FAF1: variants seen among roughly 807,000 people sequenced by gnomAD.
FAF1 encodes FAS-associated factor 1.
A neutral mutation model predicts 92.5 loss-of-function variants in FAF1; 25 were observed. The observed-to-expected ratio is 0.27, with a 90% CI of 0.20 to 0.38. The LOEUF is 0.38. Ranked by LOEUF, FAF1 falls within the 10% of genes least tolerant of loss-of-function variation. The pLI, the probability that FAF1 is intolerant of heterozygous loss-of-function variation, is 1.00. For synonymous variants in FAF1, 234 were observed against 273.2 expected (o/e 0.86, Z 1.42); for missense variants, 636 against 793.3 (o/e 0.80, Z 2.38).
chr1:50,506,918 T>A (rs959716197), intron 15 of FAF1, among the ~76,000 whole-genome samples: 2 of 152,226 alleles, frequency 1.3e-5, no homozygotes, highest in Non-Finnish European at 2.9e-5. Flanking sequence ...CTTTACCTTC[T>A]TCTTCCTGCC....
intron 1 of FAF1, among the ~76,000 whole-genome samples, chr1:50,863,877 C>A (rs969976838): frequency 6.6e-6 from 1 of 152,104 alleles, no homozygotes; most frequent in Non-Finnish European, 1.5e-5. Context: ...GCCACAATTT[C>A]AGAGCCTGTT....
chr1:50,945,956 C>T (rs1000508040), intron 1 of FAF1, among the ~76,000 whole-genome samples: 2 of 152,222 alleles, frequency 1.3e-5, no homozygotes, highest in African/African-American at 4.8e-5. Context: ...TTCAGCTTGA[C>T]TAAACCATCA....
chr1:50,619,276 T>C (rs767654089), intron 8 of FAF1, among the ~76,000 whole-genome samples: 65 of 152,222 alleles, frequency 4.3e-4, no homozygotes, highest in Non-Finnish European at 8.1e-4. Flanking sequence ...ATCCTGTCAT[T>C]GTGGTGTTAG....
chr1:50,655,664 CAA>C, intron 7 of FAF1, 136 bp from the exon 8 acceptor site: 1 of 558,582 alleles, frequency 1.8e-6, no homozygotes. Flanking sequence ...TATAAAAACC[CAA>C]GTCAAAAAAT....
intron 18 of FAF1, among the ~76,000 whole-genome samples, chr1:50,447,272 C>T (rs1268346337): frequency 2.0e-5 from 3 of 151,878 alleles, no homozygotes; most frequent in Non-Finnish European, 1.5e-5. Flanking sequence ...ACTACAGGTG[C>T]CCGCCACCAC....
At chr1:50,497,575 G>A (rs1203713646) in intron 15 of FAF1, among the ~76,000 whole-genome samples, 1 of 119,872 alleles carries the variant, frequency 8.3e-6, no homozygotes, top group African/African-American at 3.2e-5. Context: ...TTGTGACGGA[G>A]TCTCACTCTG....
intron 7 of FAF1, among the ~76,000 whole-genome samples, chr1:50,680,420 C>T (rs558357493): frequency 2.0e-5 from 3 of 152,086 alleles, no homozygotes; most frequent in South Asian, 2.1e-4. Context: ...CAGTGGTTCA[C>T]GCCTGTAATC....
intron 18 of FAF1, among the ~76,000 whole-genome samples, chr1:50,450,077 C>G (rs1469265706): frequency 1.3e-5 from 2 of 151,490 alleles, no homozygotes; most frequent in Non-Finnish European, 2.9e-5. Flanking sequence ...CACTGTAATC[C>G]CAGCTACTCA....
Position 50,460,740 on chromosome 1 carries a change from C to T in FAF1, c.1869+14724G>A, listed in dbSNP as rs138271723. On this transcript the variant is annotated intron_variant, in intron 18 of 18. Coordinates refer to ENST00000396153, the MANE Select transcript of FAF1 (RefSeq NM_007051.3). Reference sequence around the variant, plus strand: ...CCTCAACCTCCCAGACTGAAGTGATCCTCCCACCTCACTCTCAAGTATCTG... The same window carrying T: ...CCTCAACCTCCCAGACTGAAGTGATTCTCCCACCTCACTCTCAAGTATCTG... 6.7e-3 allele frequency among the ~76,000 whole-genome samples: 1,009 copies of T among 150,182 alleles called. 15 individuals are homozygous for T. The highest frequency in any genetic ancestry group is 0.023 in the African/African-American group (942 of 40,740).
chr1:50,848,246 A>G (rs910225667), intron 2 of FAF1, among the ~76,000 whole-genome samples: 1 of 152,268 alleles, frequency 6.6e-6, no homozygotes, highest in Admixed American at 6.5e-5. Context: ...AAGTAAAAAC[A>G]GTAGCAAAAT....
chr1:50,710,705 C>T (rs770005478), intron 6 of FAF1, among the ~76,000 whole-genome samples: 28 of 151,154 alleles, frequency 1.9e-4, no homozygotes, highest in Non-Finnish European at 3.8e-4. Context: ...CGGGTTCAAG[C>T]GATTCTCCTG....
chr1:50,872,169 T>C (rs1456010940), intron 1 of FAF1, among the ~76,000 whole-genome samples: 4 of 152,156 alleles, frequency 2.6e-5, no homozygotes, highest in Non-Finnish European at 2.9e-5. Flanking sequence ...CACTGAAAAC[T>C]TTCTGGAAAG....
intron 7 of FAF1, among the ~76,000 whole-genome samples, chr1:50,659,102 A>T (rs1655257219): frequency 6.6e-6 from 1 of 152,218 alleles, no homozygotes; most frequent in Admixed American, 6.5e-5. Context: ...ATTCTGAAAA[A>T]AGTTAGTATT....
At chr1:50,795,829 G>C (rs558372425) in intron 3 of FAF1, among the ~76,000 whole-genome samples, 2 of 152,188 alleles carry the variant, frequency 1.3e-5, no homozygotes, top group East Asian at 3.9e-4. Context: ...TCATGGCACT[G>C]AATTACCACC....
intron 8 of FAF1, among the ~76,000 whole-genome samples, chr1:50,653,175 CA>C (rs145320522): frequency 0.032 from 4,728 of 146,030 alleles, 239 homozygotes; most frequent in African/African-American, 0.11. Flanking sequence ...AGAAAAACAA[CA>C]AAAAAAAAAC....
intron 1 of FAF1, among the ~76,000 whole-genome samples, chr1:50,954,840 G>A (rs1211511612): frequency 6.6e-6 from 1 of 152,118 alleles, no homozygotes; most frequent in South Asian, 2.1e-4. Context: ...ACCATGCCTG[G>A]CTTAAACATT....
intron 17 of FAF1, among the ~76,000 whole-genome samples, chr1:50,488,283 A>T (rs1407911220): frequency 1.3e-5 from 2 of 152,194 alleles, no homozygotes; most frequent in Admixed American, 6.5e-5. Flanking sequence ...TTATGTTTAT[A>T]GGGTCTTCTG....
intron 7 of FAF1, among the ~76,000 whole-genome samples, chr1:50,658,045 T>C (rs1200062971): frequency 6.6e-6 from 1 of 152,188 alleles, no homozygotes; most frequent in Non-Finnish European, 1.5e-5. Flanking sequence ...CCACTTTCAC[T>C]AGCTGTTATT....
In FAF1 at chr1:50,522,046, G is replaced by T. The variant is rs181811624; in HGVS notation, c.1494+13323C>A. 7.9e-5 allele frequency among the ~76,000 whole-genome samples: 12 copies of T among 152,304 alleles called. No individual in the cohort carries two copies. The East Asian group carries it at 2.3e-3, about 29-fold the overall frequency. ...AGAACAACAAATGTAAACAGGGACG[G>T]TATGGATATATCTTTTTAAAAGTGA... On this transcript the variant is annotated intron_variant, in intron 15 of 18. Coordinates refer to ENST00000396153, the MANE Select transcript of FAF1 (RefSeq NM_007051.3).
Sources: allele counts gnomAD v4.1 joint callset (sites outside exome capture counted in the v4.1 genomes callset), GRCh38; gene constraint gnomAD v4.1.1; transcripts MANE v1.5; gene names NCBI Gene and HGNC (gene_info 2026-07-23, HGNC 2026-07-21).